Variants in PCDHGB3 observed in about 807,000 individuals in gnomAD.
The protein encoded by PCDHGB3 is protocadherin gamma subfamily B, 3, also known as protocadherin gamma-B3.
Under a neutral mutation model 59.2 loss-of-function variants are expected in PCDHGB3, and 40 were observed. The ratio of observed to expected loss-of-function variants is 0.68; its 90% CI spans 0.52 to 0.88. The LOEUF is 0.88. Ranked by LOEUF, PCDHGB3 falls within the 40% of genes least tolerant of loss-of-function variation. PCDHGB3 has a pLI of 0.00. For missense variants in PCDHGB3, 1,309 were observed against 1,187.9 expected (o/e 1.10, Z -1.50); for synonymous variants, 581 against 503.6 (o/e 1.15, Z -2.06).
intron 1 of PCDHGB3, chr5:141,394,082 G>C: frequency 6.2e-7 from 1 of 1,613,830 alleles, no homozygotes; most frequent in Non-Finnish European, 8.5e-7. Flanking sequence ...TCACAGTGAT[G>C]GCCTCAGATC....
intron 1 of PCDHGB3, chr5:141,392,681 G>A (rs892273174): frequency 9.7e-7 from 1 of 1,026,496 alleles, no homozygotes; most frequent in Non-Finnish European, 1.4e-6. Context: ...CTGGACTGCA[G>A]CGAAACCCGA....
chr5:141,415,848 A>C (rs1222834072), intron 1 of PCDHGB3: 1 of 1,241,178 alleles, frequency 8.1e-7, no homozygotes, highest in Non-Finnish European at 1.0e-6. Context: ...GCTTTGCAGA[A>C]CCTTGTAGTT....
At chr5:141,507,815 C>G (rs936926937) in intron 3 of PCDHGB3, among the ~76,000 whole-genome samples, 2 of 152,204 alleles carry the variant, frequency 1.3e-5, no homozygotes, top group African/African-American at 4.8e-5. Context: ...GGAACGGACC[C>G]TGGGGGTGGA....
intron 1 of PCDHGB3, chr5:141,395,370 G>A (rs377682598): frequency 1.7e-6 from 2 of 1,207,198 alleles, no homozygotes; most frequent in South Asian, 1.7e-5. Flanking sequence ...GTTTATTTTG[G>A]TGGTGTTACT....
At chr5:141,461,830 CTT>C (rs1030113508) in intron 1 of PCDHGB3, among the ~76,000 whole-genome samples, 1 of 145,180 alleles carries the variant, frequency 6.9e-6, no homozygotes, top group Non-Finnish European at 1.5e-5. Context: ...ATTTTTTTTT[CTT>C]TTTTTTTTGA....
At position 141,487,385 on chromosome 5, in the gene PCDHGB3, CGAA is replaced by C; in HGVS notation, c.2416-7420_2416-7418del. 6.2e-7 allele frequency: 1 copy of C among 1,614,160 alleles called. No individual in the cohort carries two copies. The highest frequency in any genetic ancestry group is 8.5e-7 in the Non-Finnish European group (1 of 1,180,046). On this transcript the variant is annotated intron_variant, in intron 1 of 3. Coordinates refer to ENST00000576222, the MANE Select transcript of PCDHGB3 (RefSeq NM_018924.5). The surrounding 1 kb of genome is among the most constrained non-coding windows in gnomAD (Gnocchi z 5.0). ...CACCTGTGCCTGTCTCACCAGATCTCGAAGGAGGGAGGGGCTTCCCCCTTCCAA... is the reference window on the plus strand; with the variant it reads ...CACCTGTGCCTGTCTCACCAGATCTCGGAGGGAGGGGCTTCCCCCTTCCAA...
At chr5:141,473,229 T>G (rs891825934) in intron 1 of PCDHGB3, among the ~76,000 whole-genome samples, 8 of 152,160 alleles carry the variant, frequency 5.3e-5, no homozygotes, top group Admixed American at 1.3e-4. Context: ...GGAGATTGGA[T>G]CCACACAAGT....
intron 1 of PCDHGB3, among the ~76,000 whole-genome samples, chr5:141,425,219 G>T (rs779272038): frequency 2.0e-5 from 3 of 152,148 alleles, no homozygotes; most frequent in Non-Finnish European, 2.9e-5. Context: ...ATTGTACTTT[G>T]ACTGGAATTA....
At position 141,400,271 on chromosome 5, in the gene PCDHGB3, C is replaced by A. The variant is rs2093993934; in HGVS notation, c.2415+27462C>A. The A allele has an allele frequency of 4.3e-6, 7 of 1,614,094 alleles. No individual in the cohort carries two copies. In the African/African-American group the frequency reaches 9.3e-5, roughly 21 times the overall value. The stretch of plus-strand genomic sequence containing the variant: ...GTTGCCTTGCGCCTGCGACGCTCCT[C>A]CAGCCCTGCCGCCTGGAGCTGCTTC... On this transcript the variant is annotated intron_variant, in intron 1 of 3. Transcript: ENST00000576222.
intron 1 of PCDHGB3, chr5:141,415,799 C>T (rs1037967294): frequency 5.2e-6 from 7 of 1,335,782 alleles, no homozygotes; most frequent in Non-Finnish European, 6.7e-6. Context: ...CACCTAGTCT[C>T]AATCAAGGCC....
chr5:141,388,971 C>T (rs2091561776), intron 1 of PCDHGB3: 2 of 1,613,890 alleles, frequency 1.2e-6, no homozygotes, highest in South Asian at 2.2e-5. Flanking sequence ...GCTGGGAACA[C>T]ATATTGCTTT....
chr5:141,420,079 C>A, intron 1 of PCDHGB3: 1 of 1,613,998 alleles, frequency 6.2e-7, no homozygotes, highest in Non-Finnish European at 8.5e-7. Flanking sequence ...CTGTGGGTCC[C>A]CCCAACTACA....
At chr5:141,423,202 G>A (rs771252840) in intron 1 of PCDHGB3, 67 of 1,613,500 alleles carry the variant, frequency 4.2e-5, no homozygotes, top group Non-Finnish European at 5.5e-5. Context: ...CTCGGCCACC[G>A]TCACGCTCAC....
In PCDHGB3 at chr5:141,476,948, G is replaced by T; in HGVS notation, c.2416-17859G>T. 6.2e-7 allele frequency: 1 copy of T among 1,614,180 alleles called. No individual in the cohort carries two copies. On this transcript the variant is annotated intron_variant, in intron 1 of 3. Transcript: ENST00000576222. The surrounding 1 kb of genome is among the most constrained non-coding windows in gnomAD (Gnocchi z 7.6). ...GGATCTGGATGAAGGCCCCAACGGTGAAATTATTTACTCCTTCGGCAGCCA... is the reference window on the plus strand; with the variant it reads ...GGATCTGGATGAAGGCCCCAACGGTTAAATTATTTACTCCTTCGGCAGCCA...
intron 3 of PCDHGB3, among the ~76,000 whole-genome samples, chr5:141,510,208 G>A (rs560746333): frequency 2.0e-5 from 3 of 151,866 alleles, no homozygotes; most frequent in Admixed American, 1.3e-4. Context: ...AGGAGGCAGA[G>A]GTTGCAGTGA....
chr5:141,424,116 T>G, intron 1 of PCDHGB3: 1 of 667,648 alleles, frequency 1.5e-6, no homozygotes, highest in Non-Finnish European at 1.9e-6. Context: ...GTTCAAATTT[T>G]GATCCTGTTG....
chr5:141,423,612 TGAAGAC>T, intron 1 of PCDHGB3: 1 of 1,611,004 alleles, frequency 6.2e-7, no homozygotes, highest in African/African-American at 1.3e-5. Flanking sequence ...TCTTGATAGC[TGAAGAC>T]TCAGCTATCA....
At chr5:141,374,726 A>G (rs1471530567) in intron 1 of PCDHGB3, 2 of 1,610,526 alleles carry the variant, frequency 1.2e-6, no homozygotes, top group Non-Finnish European at 8.5e-7. Flanking sequence ...CCTTACTGCC[A>G]TGGATGGCGG....
intron 1 of PCDHGB3, chr5:141,382,734 G>A: frequency 1.8e-6 from 1 of 566,662 alleles, no homozygotes; most frequent in South Asian, 3.4e-5. Context: ...ACAGCACAGA[G>A]AAACGACAGA....
Sources: gnomAD v4.1 joint callset for allele counts (sites outside exome capture counted in the v4.1 genomes callset) on GRCh38, gnomAD v4.1.1 for gene constraint, Gnocchi (gnomAD v3.1) non-coding constraint, MANE v1.5 for transcripts, NCBI Gene and HGNC (gene_info 2026-07-23, HGNC 2026-07-21) for gene names.